CACNA2D1: variants seen among roughly 807,000 people sequenced by gnomAD.
The protein encoded by CACNA2D1 is calcium voltage-gated channel auxiliary subunit alpha2delta 1.
Under a neutral mutation model 171.5 loss-of-function variants are expected in CACNA2D1, and 53 were observed. The observed-to-expected ratio is 0.31, with a 90% CI of 0.25 to 0.39. The LOEUF (loss-of-function observed/expected upper bound fraction) is 0.39, where lower values mean the gene tolerates loss of function less well. Among genes scored for constraint, CACNA2D1 ranks in the 10% least tolerant of loss-of-function variants. CACNA2D1 has a pLI of 1.00. For synonymous variants in CACNA2D1, 442 were observed against 443.1 expected, an observed-to-expected ratio of 1.00 and a Z score of 0.03; for missense variants, 903 against 1,299.8, an observed-to-expected ratio of 0.69 and a Z score of 4.69.
intron 1 of CACNA2D1, among the ~76,000 whole-genome samples, chr7:82,350,449 A>G (rs1175694823): frequency 2.0e-5 from 3 of 152,122 alleles, no homozygotes; most frequent in Non-Finnish European, 4.4e-5. Context: ...GTGGATCACG[A>G]GGTCAGGAGA....
chr7:82,258,901 C>T (rs1219653687), intron 3 of CACNA2D1, among the ~76,000 whole-genome samples: 1 of 142,074 alleles, frequency 7.0e-6, no homozygotes, highest in Non-Finnish European at 1.5e-5. Context: ...AGTCTCAGCT[C>T]CCTGCAACCT....
chr7:82,173,651 T>C (rs1437008633), intron 3 of CACNA2D1, among the ~76,000 whole-genome samples: 1 of 149,106 alleles, frequency 6.7e-6, no homozygotes, highest in East Asian at 1.9e-4. Context: ...ACATGTCTTC[T>C]AGACACTTTA....
intron 1 of CACNA2D1, among the ~76,000 whole-genome samples, chr7:82,419,588 C>T (rs964461635): frequency 6.6e-6 from 1 of 152,216 alleles, no homozygotes; most frequent in Non-Finnish European, 1.5e-5. Context: ...ATTACACTTC[C>T]TGCTTTACCA....
chr7:81,987,436 G>A (rs1797086035), intron 21 of CACNA2D1, among the ~76,000 whole-genome samples: 1 of 152,128 alleles, frequency 6.6e-6, no homozygotes, highest in African/African-American at 2.4e-5. Context: ...ACTGAGTTAA[G>A]TGGACTATAA....
intron 3 of CACNA2D1, among the ~76,000 whole-genome samples, chr7:82,197,896 A>G (rs1043875780): frequency 1.9e-4 from 28 of 151,344 alleles, no homozygotes; most frequent in African/African-American, 6.5e-4. Context: ...GTGCATATAT[A>G]TGACATTATG....
intron 3 of CACNA2D1, among the ~76,000 whole-genome samples, chr7:82,188,758 G>A (rs754729731): frequency 2.0e-5 from 3 of 151,994 alleles, no homozygotes; most frequent in Non-Finnish European, 4.4e-5. Context: ...CAAAAACATG[G>A]AATCAACTTA....
intron 1 of CACNA2D1, among the ~76,000 whole-genome samples, chr7:82,417,848 T>G (rs2129456515): frequency 6.6e-6 from 1 of 152,306 alleles, no homozygotes; most frequent in South Asian, 2.1e-4. Flanking sequence ...ATGCATTAGA[T>G]TTTGCATATA....
chr7:82,406,684 A>C (rs1289339532), intron 1 of CACNA2D1, among the ~76,000 whole-genome samples: 3 of 152,164 alleles, frequency 2.0e-5, no homozygotes, highest in African/African-American at 7.2e-5. Context: ...GGCTGCATAA[A>C]TGTCTTCTTT....
At chr7:82,410,030 ATTATAATC>A (rs1827482615) in intron 1 of CACNA2D1, among the ~76,000 whole-genome samples, 1 of 152,226 alleles carries the variant, frequency 6.6e-6, no homozygotes, top group Admixed American at 6.5e-5. Flanking sequence ...AAAATAAAGT[ATTATAATC>A]TCATGGGACC....
At chr7:82,052,238 C>A (rs1805275431) in intron 10 of CACNA2D1, among the ~76,000 whole-genome samples, 2 of 152,038 alleles carry the variant, frequency 1.3e-5, no homozygotes, top group South Asian at 4.1e-4. Flanking sequence ...AACTATAGAA[C>A]CACTCCCTCC....
chr7:82,344,194 C>G (rs896903954), intron 2 of CACNA2D1, among the ~76,000 whole-genome samples: 4 of 152,146 alleles, frequency 2.6e-5, no homozygotes, highest in African/African-American at 9.7e-5. Context: ...CACCCCATGG[C>G]CCCAGTTATG....
rs528250829 is a variant in CACNA2D1 at position 82,116,305 on chromosome 7, T to C, written c.526+739A>G. ...ATAGAGCTGTCTTTTGGAAAATTCC[T>C]AGTTAGAATTCTCAGGCTCTGCTCT... On this transcript the variant is annotated intron_variant, in intron 6 of 38. Transcript: ENST00000356860. 8.0e-4 allele frequency among the ~76,000 whole-genome samples: 122 copies of C among 152,292 alleles called. 1 individual carries two copies. Among genetic ancestry groups the C allele is most frequent in the African/African-American group, 2.7e-3 (112 of 41,586 alleles).
At chr7:82,309,915 A>G (rs1441270313) in intron 3 of CACNA2D1, among the ~76,000 whole-genome samples, 3 of 152,240 alleles carry the variant, frequency 2.0e-5, no homozygotes, top group Admixed American at 1.3e-4. Context: ...CATAGTTGCA[A>G]AATACTTTTC....
chr7:81,962,397 T>A, intron 35 of CACNA2D1, 43 bp downstream of exon 35: 2 of 1,464,394 alleles, frequency 1.4e-6, no homozygotes, highest in Non-Finnish European at 1.9e-6. Flanking sequence ...CAAAAGAAAA[T>A]TTTTATTGTT....
Position 82,349,673 on chromosome 7 carries a change from G to A in CACNA2D1, c.96-24C>T, listed in dbSNP as rs201599406. On this transcript the variant is annotated intron_variant, in intron 1 of 38. Transcript: ENST00000356860. ...TACTGCAGAAATCAGAAAAGATTAT[G>A]TTCTATCAGATCTCTGGCAAATAAA... 4.5e-6 allele frequency: 7 copies of A among 1,552,650 alleles called. No individual in the cohort carries two copies. The African/African-American group carries it at 5.4e-5, about 12-fold the overall frequency.
intron 3 of CACNA2D1, among the ~76,000 whole-genome samples, chr7:82,283,016 C>A (rs1810320357): frequency 6.6e-6 from 1 of 152,056 alleles, no homozygotes; most frequent in Admixed American, 6.6e-5. Context: ...TATAATAGAA[C>A]CTTCATTTAA....
intron 25 of CACNA2D1, among the ~76,000 whole-genome samples, chr7:81,972,635 C>CCAATTATTATGTATTCTTAAA (rs1795396412): frequency 1.3e-5 from 2 of 151,926 alleles, no homozygotes; most frequent in South Asian, 4.1e-4. Context: ...GGATCAAAGG[C>CCAATTATTATGTATTCTTAAA]CAATTATTAT....
At chr7:82,010,717 A>G (rs911882852) in intron 15 of CACNA2D1, among the ~76,000 whole-genome samples, 1 of 152,164 alleles carries the variant, frequency 6.6e-6, no homozygotes, top group African/African-American at 2.4e-5. Flanking sequence ...CTTAGCGTGC[A>G]AGGCTGCTGT....
chr7:81,974,700 T>C, intron 24 of CACNA2D1, 148 bp from the exon 25 acceptor site: 1 of 584,356 alleles, frequency 1.7e-6, no homozygotes, highest in Non-Finnish European at 3.1e-6. Context: ...TCCTCACTTC[T>C]ATAATGGACC....
Sources: allele counts gnomAD v4.1 joint callset (sites outside exome capture counted in the v4.1 genomes callset), GRCh38; gene constraint gnomAD v4.1.1; transcripts MANE v1.5; gene names NCBI Gene and HGNC (gene_info 2026-07-23, HGNC 2026-07-21).